The following CNTNAP2 variants were observed in gnomAD, a reference collection of about 807,000 sequenced individuals.
CNTNAP2 encodes contactin associated protein 2.
CNTNAP2 carries 98 observed loss-of-function variants against 155.2 expected under a neutral mutation model. The observed-to-expected ratio is 0.63, with a 90% CI of 0.54 to 0.75. The LOEUF (loss-of-function observed/expected upper bound fraction) is 0.75. Among genes scored for constraint, CNTNAP2 ranks in the 30% least tolerant of loss-of-function variants. The probability of loss-of-function intolerance (pLI) is 0.00; values close to 1 mark genes in which losing one functional copy is unlikely to be tolerated. For synonymous variants in CNTNAP2, 651 were observed against 631.2 expected (o/e 1.03, Z -0.47); for missense variants, 1,727 against 1,688.1 (o/e 1.02, Z -0.40).
chr7:146,204,242 T>C (rs1798912090), intron 1 of CNTNAP2, among the ~76,000 whole-genome samples: 1 of 152,168 alleles, frequency 6.6e-6, no homozygotes, highest in Admixed American at 6.6e-5. Flanking sequence ...GGAAATTAAA[T>C]ATCAGTCCAC....
At chr7:147,943,008 G>T (rs1428731361) in intron 14 of CNTNAP2, among the ~76,000 whole-genome samples, 1 of 151,586 alleles carries the variant, frequency 6.6e-6, no homozygotes, top group Non-Finnish European at 1.5e-5. Flanking sequence ...CTGCACACCA[G>T]CCTGGGCGAC....
chr7:148,048,366 C>T (rs1166016692), intron 15 of CNTNAP2, among the ~76,000 whole-genome samples: 2 of 152,110 alleles, frequency 1.3e-5, no homozygotes, highest in Non-Finnish European at 2.9e-5. Context: ...TATAAATGTT[C>T]AATTTAAAAA....
intron 1 of CNTNAP2, among the ~76,000 whole-genome samples, chr7:146,530,245 A>G (rs117915852): frequency 0.029 from 4,474 of 152,252 alleles, 108 homozygotes; most frequent in Non-Finnish European, 0.046. Context: ...TGGATTAAAG[A>G]TGTAAATGTA....
In CNTNAP2 at chr7:148,008,240, C is replaced by T. The variant is rs545168076; in HGVS notation, c.2383+30251C>T. Among the ~76,000 whole-genome samples, 23 of 151,660 alleles carry T rather than the reference C, an allele frequency of 1.5e-4. 1 individual carries two copies. The South Asian group carries it at 3.6e-3, about 23-fold the overall frequency. On this transcript the variant is annotated intron_variant, in intron 15 of 23. Coordinates refer to ENST00000361727, the MANE Select transcript of CNTNAP2 (RefSeq NM_014141.6). ...AAAAAAAATTAGCTGGGCATGGTGGCGGTTGCCTGTAATCCCAGCTACTCG... is the reference window on the plus strand; with the variant it reads ...AAAAAAAATTAGCTGGGCATGGTGGTGGTTGCCTGTAATCCCAGCTACTCG...
intron 15 of CNTNAP2, among the ~76,000 whole-genome samples, chr7:148,098,661 C>T (rs1210970940): frequency 6.6e-6 from 1 of 151,530 alleles, no homozygotes; most frequent in East Asian, 1.9e-4. Context: ...TAAGATAGAC[C>T]CCATCTCTTT....
intron 21 of CNTNAP2, among the ~76,000 whole-genome samples, chr7:148,331,518 G>A (rs1798011488): frequency 7.9e-6 from 1 of 125,814 alleles, no homozygotes. Context: ...ATGGATGGAT[G>A]GATGGAATGG....
intron 1 of CNTNAP2, among the ~76,000 whole-genome samples, chr7:146,192,530 T>G (rs1798721598): frequency 6.6e-6 from 1 of 152,142 alleles, no homozygotes; most frequent in Non-Finnish European, 1.5e-5. Context: ...AGAGAGCATG[T>G]GCAGAGGAAT....
intron 8 of CNTNAP2, among the ~76,000 whole-genome samples, chr7:147,176,948 T>A (rs1398017753): frequency 7.5e-6 from 1 of 132,470 alleles, no homozygotes; most frequent in African/African-American, 3.1e-5. Flanking sequence ...GAATTATAAT[T>A]CTAAATATAA....
rs573694407 is a variant in CNTNAP2 at position 146,953,717 on chromosome 7, C to G, written c.403-90190C>G. On this transcript the variant is annotated intron_variant, in intron 3 of 23. Coordinates refer to ENST00000361727, the MANE Select transcript of CNTNAP2 (RefSeq NM_014141.6). Reference sequence around the variant, plus strand: ...ATATCACATTCATCTTTTTATTCCCCATTTCTAGTAGAGTACCTGAGACAA... The same window carrying G: ...ATATCACATTCATCTTTTTATTCCCGATTTCTAGTAGAGTACCTGAGACAA... 1.1e-3 allele frequency among the ~76,000 whole-genome samples: 169 copies of G among 151,954 alleles called. 1 individual carries two copies. The highest frequency in any genetic ancestry group is 3.8e-3 in the African/African-American group (157 of 41,512).
chr7:146,703,143 G>T (rs1800905511), intron 1 of CNTNAP2, among the ~76,000 whole-genome samples: 1 of 152,080 alleles, frequency 6.6e-6, no homozygotes, highest in African/African-American at 2.4e-5. Flanking sequence ...TTGACCTATT[G>T]TGTACTCACA....
At chr7:148,198,738 G>A (rs1795319843) in intron 18 of CNTNAP2, among the ~76,000 whole-genome samples, 1 of 152,210 alleles carries the variant, frequency 6.6e-6, no homozygotes, top group Non-Finnish European at 1.5e-5. Flanking sequence ...TGTATTCAAG[G>A]TGCTAGTTCA....
chr7:146,692,385 T>C (rs1196053131), intron 1 of CNTNAP2, among the ~76,000 whole-genome samples: 1 of 152,170 alleles, frequency 6.6e-6, no homozygotes. Context: ...TTATGCATAC[T>C]AAGAGTTATC....
chr7:147,919,603 C>T (rs1216520404), intron 14 of CNTNAP2, among the ~76,000 whole-genome samples: 1 of 151,488 alleles, frequency 6.6e-6, no homozygotes, highest in Non-Finnish European at 1.5e-5. Context: ...GGACTACAGG[C>T]AGCCGCCACC....
At chr7:148,328,249 G>A (rs184609917) in intron 21 of CNTNAP2, among the ~76,000 whole-genome samples, 8 of 152,248 alleles carry the variant, frequency 5.3e-5, no homozygotes, top group East Asian at 1.9e-4. Context: ...GGGGTGTGCC[G>A]GGGCTGGAGC....
intron 1 of CNTNAP2, among the ~76,000 whole-genome samples, chr7:146,726,805 AT>A (rs1563206260): frequency 6.6e-6 from 1 of 152,154 alleles, no homozygotes. Context: ...CCTAATAATA[AT>A]GCCATTGTCA....
chr7:146,317,745 T>C (rs371091801), intron 1 of CNTNAP2, among the ~76,000 whole-genome samples: 1 of 152,208 alleles, frequency 6.6e-6, no homozygotes, highest in African/African-American at 2.4e-5. Context: ...TACGCAGAAG[T>C]TCAAGCTAAC....
chr7:147,609,710 G>A (rs62483183), intron 12 of CNTNAP2, among the ~76,000 whole-genome samples: 60,431 of 151,640 alleles, frequency 0.4, 12,094 homozygotes, highest in Admixed American at 0.44. Flanking sequence ...GTGAGTGTAC[G>A]AAATAATCTG....
At chr7:146,125,348 A>G (rs960567656) in intron 1 of CNTNAP2, among the ~76,000 whole-genome samples, 1 of 152,008 alleles carries the variant, frequency 6.6e-6, no homozygotes, top group Non-Finnish European at 1.5e-5. Flanking sequence ...AGGCTGAGAC[A>G]GGCGGATCAC....
intron 21 of CNTNAP2, among the ~76,000 whole-genome samples, chr7:148,334,101 G>A (rs66567305): frequency 0.17 from 25,351 of 152,212 alleles, 2,625 homozygotes; most frequent in Admixed American, 0.24. Flanking sequence ...ACTTCCAGAA[G>A]ATGTTGTACA....
Sources: allele counts gnomAD v4.1 joint callset (sites outside exome capture counted in the v4.1 genomes callset), GRCh38; gene constraint gnomAD v4.1.1; transcripts MANE v1.5; gene names NCBI Gene and HGNC (gene_info 2026-07-23, HGNC 2026-07-21).